The following COX7A2L variants were observed in gnomAD, a reference collection of about 807,000 sequenced individuals.
COX7A2L encodes cytochrome c oxidase subunit 7A2-like, mitochondrial.
Under a neutral mutation model 14.2 loss-of-function variants are expected in COX7A2L, and 18 were observed. That is an observed-to-expected ratio of 1.27 (90% CI 0.88 to 1.88). The LOEUF is 1.88. Among genes scored for constraint, COX7A2L ranks in the 40% most tolerant of loss-of-function variants. COX7A2L has a pLI of 0.00. For synonymous variants in COX7A2L, 65 were observed against 57.4 expected, an observed-to-expected ratio of 1.13 and a Z score of -0.60; for missense variants, 179 against 138.8, an observed-to-expected ratio of 1.29 and a Z score of -1.46.
chr2:42,355,181 A>G (rs1485085519), intron 1 of COX7A2L, among the ~76,000 whole-genome samples: 1 of 152,230 alleles, frequency 6.6e-6, no homozygotes, highest in Non-Finnish European at 1.5e-5. Flanking sequence ...TAGAAATACA[A>G]CACACTCAAA....
downstream of COX7A2L, among the ~76,000 whole-genome samples, chr2:42,348,852 A>C (rs1478435713): frequency 6.6e-6 from 1 of 152,136 alleles, no homozygotes; most frequent in Non-Finnish European, 1.5e-5. Flanking sequence ...TGAGAGGCGG[A>C]GATTGCAGTG....
chr2:42,351,223 T>C lies in COX7A2L; in HGVS notation c.341A>G (p.Lys114Arg), dbSNP rs761443323. The change falls in exon 3 of 3, where the codon AAA becomes AGA. Residue 114 changes from lysine to arginine, a missense_variant. Coordinates refer to ENST00000234301, the MANE Select transcript of COX7A2L (RefSeq NM_004718.4). ...ALYMASQPKN[K>R] ...ACCAGTCCTCTGCAGCCTAACTCAT[T>C]TGTTTTTGGGCTGCGAAGCCATGTA... The C allele has an allele frequency of 4.3e-6, 7 of 1,613,464 alleles. No homozygotes were observed. In the Admixed American group the frequency reaches 5.0e-5, roughly 12 times the overall value.
chr2:42,357,456 G>A (rs950963694), intron 1 of COX7A2L, among the ~76,000 whole-genome samples: 1 of 151,988 alleles, frequency 6.6e-6, no homozygotes, highest in Non-Finnish European at 1.5e-5. Flanking sequence ...CTACAAGTAC[G>A]CTTCACCATA....
chr2:42,340,296 C>T (rs561074162), intron 2 of COX7A2L, among the ~76,000 whole-genome samples: 11 of 152,276 alleles, frequency 7.2e-5, no homozygotes, highest in South Asian at 2.1e-4. Flanking sequence ...GCCTTCCTCG[C>T]GCCCCTGGGA....
chr2:42,359,463 G>A (rs749604481), intron 1 of COX7A2L: 2 of 152,214 alleles, frequency 1.3e-5, no homozygotes, highest in Admixed American at 1.3e-4. Context: ...TCCATACACT[G>A]GAGAATACAT....
At chr2:42,336,776 A>G (rs1472922894) in intron 2 of COX7A2L, among the ~76,000 whole-genome samples, 2 of 152,150 alleles carry the variant, frequency 1.3e-5, no homozygotes, top group African/African-American at 4.8e-5. Context: ...TCTACAAGAA[A>G]CATGCATTGT....
At chr2:42,360,061 C>T (rs1009738854) in intron 1 of COX7A2L, 1 of 152,244 alleles carries the variant, frequency 6.6e-6, no homozygotes, top group African/African-American at 2.4e-5. Context: ...CTTGGGCAAG[C>T]TGCAGTGTCC....
downstream of COX7A2L, among the ~76,000 whole-genome samples, chr2:42,345,940 TC>T (rs1670488574): frequency 6.6e-6 from 1 of 152,166 alleles, no homozygotes; most frequent in Admixed American, 6.5e-5. Flanking sequence ...AGGAGGGTCT[TC>T]CTCTGAGTAA....
chr2:42,360,743 G>C (rs996486131), intron 1 of COX7A2L, among the ~76,000 whole-genome samples: 2 of 152,188 alleles, frequency 1.3e-5, no homozygotes, highest in Non-Finnish European at 2.9e-5. Flanking sequence ...CCGAAAGCCA[G>C]ATGTCTTCGA....
upstream of COX7A2L, chr2:42,365,759 C>T (rs549808382): frequency 9.8e-5 from 15 of 152,286 alleles, no homozygotes; most frequent in African/African-American, 2.6e-4. Flanking sequence ...TCACCTCCTG[C>T]GTAGATGTGA....
upstream of COX7A2L, among the ~76,000 whole-genome samples, chr2:42,365,382 T>G (rs1671145226): frequency 6.6e-6 from 1 of 152,110 alleles, no homozygotes; most frequent in Non-Finnish European, 1.5e-5. Flanking sequence ...ATCCCAGCAC[T>G]CTGGGAGGCC....
intron 1 of COX7A2L, chr2:42,359,480 G>A (rs1670946505): frequency 6.6e-6 from 1 of 152,116 alleles, no homozygotes; most frequent in South Asian, 2.1e-4. Context: ...ACATTTCATA[G>A]AAGCAGATGA....
chr2:42,357,533 A>G (rs1449116652), intron 1 of COX7A2L, among the ~76,000 whole-genome samples: 1 of 151,902 alleles, frequency 6.6e-6, no homozygotes, highest in African/African-American at 2.4e-5. Context: ...GCTGGTCTCA[A>G]ACTCCTGGCC....
At chr2:42,351,809 A>C (rs1302539076) in intron 2 of COX7A2L, among the ~76,000 whole-genome samples, 1 of 152,162 alleles carries the variant, frequency 6.6e-6, no homozygotes, top group Non-Finnish European at 1.5e-5. Flanking sequence ...CCCTGTCTCT[A>C]CAGAATAACT....
chr2:42,359,478 T>C (rs535472633), intron 1 of COX7A2L: 1 of 152,308 alleles, frequency 6.6e-6, no homozygotes, highest in African/African-American at 2.4e-5. Context: ...ATACATTTCA[T>C]AGAAGCAGAT....
chr2:42,359,005 C>A (rs1257634262), intron 1 of COX7A2L: 5 of 152,102 alleles, frequency 3.3e-5, no homozygotes, highest in Non-Finnish European at 5.9e-5. Context: ...ACATCTACTA[C>A]CACCAACAGA....
rs1670595006 is a variant in COX7A2L at position 42,350,216 on chromosome 2, A to C, written c.*1003T>G. 6.6e-6 allele frequency: 1 copy of C among 152,182 alleles called. No homozygotes were observed. Among genetic ancestry groups the C allele is most frequent in the African/African-American group, 2.4e-5 (1 of 41,438 alleles). The allele number at this position is 152,182 out of a possible 1,614,324, so 9.4% of individuals were successfully genotyped here. ...AAAATTCCACCTTTTTTCAAAATTA[A>C]TATAGGGTAAGTGAAGTCTACCAAT... is the stretch of plus-strand genomic sequence containing the variant. On this transcript the variant is annotated 3_prime_UTR_variant, in exon 3 of 3. Transcript: ENST00000234301.
chr2:42,336,646 G>T (rs1670280023), intron 2 of COX7A2L, among the ~76,000 whole-genome samples: 1 of 152,162 alleles, frequency 6.6e-6, no homozygotes, highest in African/African-American at 2.4e-5. Flanking sequence ...GGAATGATTT[G>T]ATAACCTGGT....
chr2:42,346,178 G>C (rs924069384), downstream of COX7A2L, among the ~76,000 whole-genome samples: 1 of 152,068 alleles, frequency 6.6e-6, no homozygotes, highest in Non-Finnish European at 1.5e-5. Context: ...TGGAATTAAG[G>C]GCATGTTGCC....
Sources: gnomAD v4.1 joint callset for allele counts (sites outside exome capture counted in the v4.1 genomes callset) on GRCh38, gnomAD v4.1.1 for gene constraint, MANE v1.5 for transcripts, NCBI Gene and HGNC (gene_info 2026-07-23, HGNC 2026-07-21) for gene names.